SYNPO2: variants seen among roughly 807,000 people sequenced by gnomAD.
The protein encoded by SYNPO2 is synaptopodin 2, also known as synaptopodin-2.
SYNPO2 carries 56 observed loss-of-function variants against 85.0 expected under a neutral mutation model. That is an observed-to-expected ratio of 0.66 (90% CI 0.53 to 0.82). The LOEUF is 0.82. SYNPO2 is among the 40% of genes least tolerant of loss of function. The pLI is 0.00. For missense variants in SYNPO2, 1,575 were observed against 1,534.2 expected (o/e 1.03, Z -0.44); for synonymous variants, 602 against 591.1 (o/e 1.02, Z -0.27).
chr4:118,997,156 C>T (rs1736633040), intron 1 of SYNPO2, among the ~76,000 whole-genome samples: 1 of 143,564 alleles, frequency 7.0e-6, no homozygotes. Flanking sequence ...AGGAGAATGG[C>T]GTGAACCCGG....
intron 1 of SYNPO2, among the ~76,000 whole-genome samples, chr4:118,953,767 A>T (rs186726887): frequency 1.5e-3 from 225 of 152,312 alleles, no homozygotes; most frequent in African/African-American, 5.3e-3. Context: ...ATTGCCAAAG[A>T]TCACCAGTGT....
At chr4:119,048,711 GA>G (rs1340349411) in intron 4 of SYNPO2, among the ~76,000 whole-genome samples, 2 of 152,184 alleles carry the variant, frequency 1.3e-5, no homozygotes, top group African/African-American at 4.8e-5. Context: ...CAAAAATCCT[GA>G]GGCATGAGTG....
intron 1 of SYNPO2, among the ~76,000 whole-genome samples, chr4:118,913,182 T>G (rs1351161874): frequency 6.6e-6 from 1 of 152,192 alleles, no homozygotes; most frequent in Admixed American, 6.5e-5. Flanking sequence ...TTATACAAGA[T>G]GACAAGGCTT....
chr4:118,878,306 G>A (rs576826818), intron 1 of SYNPO2, among the ~76,000 whole-genome samples: 6 of 152,066 alleles, frequency 3.9e-5, no homozygotes, highest in South Asian at 2.1e-4. Context: ...CCTATGATAC[G>A]CAATTTACCT....
intron 1 of SYNPO2, among the ~76,000 whole-genome samples, chr4:119,009,550 T>C (rs189069134): frequency 4.6e-5 from 7 of 152,218 alleles, no homozygotes; most frequent in Admixed American, 3.3e-4. Flanking sequence ...ATAAACATAA[T>C]TGATTGCCCC....
At position 119,036,858 on chromosome 4, in the gene SYNPO2, C is replaced by G. The variant is rs1000215160; in HGVS notation, c.3252+4831C>G. 5.4e-6 allele frequency: 6 copies of G among 1,118,066 alleles called. No homozygotes were observed. In the African/African-American group the frequency reaches 9.7e-5, roughly 18 times the overall value. 69.3% of individuals were successfully genotyped at this position (1,118,066 alleles called of 1,614,324 possible). On this transcript the variant is annotated intron_variant, in intron 4 of 4. Transcript: ENST00000307142. ...TAAAGAGAAATTTAATTTTAAATATCAAGTCCTGTCAAACATTTCTCAAAC... is the reference window on the plus strand; with the variant it reads ...TAAAGAGAAATTTAATTTTAAATATGAAGTCCTGTCAAACATTTCTCAAAC...
intron 1 of SYNPO2, among the ~76,000 whole-genome samples, chr4:118,876,671 T>TCTC (rs1731920678): frequency 4.8e-4 from 1 of 2,070 alleles, no homozygotes; most frequent in East Asian, 7.0e-3. Context: ...TCCTTTCTCT[T>TCTC]TCTTTCTTTC....
chr4:119,014,013 C>G (rs749034890), intron 1 of SYNPO2, among the ~76,000 whole-genome samples: 4 of 152,228 alleles, frequency 2.6e-5, no homozygotes, highest in Non-Finnish European at 5.9e-5. Context: ...CCTTTTCCAA[C>G]TATATAACTG....
intron 4 of SYNPO2, among the ~76,000 whole-genome samples, 159 bp from the exon 5 acceptor site, chr4:119,057,242 A>G (rs1739233878): frequency 6.6e-6 from 1 of 152,210 alleles, no homozygotes; most frequent in South Asian, 2.1e-4. Flanking sequence ...GACAGGCAGC[A>G]TGTCCTGGCT....
intron 1 of SYNPO2, among the ~76,000 whole-genome samples, chr4:118,860,427 A>G (rs555106192): frequency 2.0e-5 from 3 of 152,078 alleles, no homozygotes; most frequent in African/African-American, 7.2e-5. Flanking sequence ...TGTTTTTTGT[A>G]GAGATGGGGT....
chr4:119,032,378 C>A, intron 4 of SYNPO2: 2 of 1,198,124 alleles, frequency 1.7e-6, no homozygotes, highest in South Asian at 4.2e-5. Flanking sequence ...TATCAAACAT[C>A]AGGAATCAGC....
intron 1 of SYNPO2, among the ~76,000 whole-genome samples, chr4:118,914,327 G>C (rs560211908): frequency 6.6e-6 from 1 of 152,164 alleles, no homozygotes; most frequent in Non-Finnish European, 1.5e-5. Context: ...GGAAATCTAG[G>C]GATAATAGCT....
chr4:118,871,720 C>T (rs573145340), intron 1 of SYNPO2, among the ~76,000 whole-genome samples: 13 of 152,252 alleles, frequency 8.5e-5, no homozygotes, highest in Non-Finnish European at 1.2e-4. Context: ...AGGCGCCTGC[C>T]ACCATGCCCG....
In SYNPO2 at chr4:119,030,986, C is replaced by G. The variant is rs777594117; in HGVS notation, c.2211C>G (p.Ser737Arg). The part of the protein sequence containing the change: ...GDSGPEEDYL[S>R]LGAEACNFMQ... ...CCGGACCGGAAGAAGACTACCTCAGCTTGGGGGCAGAGGCTTGTAATTTCA... is the reference window on the plus strand; with the variant it reads ...CCGGACCGGAAGAAGACTACCTCAGGTTGGGGGCAGAGGCTTGTAATTTCA... Residue 737 changes from serine to arginine, a missense_variant, in exon 4 of 5, where the codon AGC becomes AGG. Ser to Arg is a moderately radical substitution (Grantham distance 110). Around this residue, in one of 3 missense-constraint regions of SYNPO2, gnomAD observed 1,508 missense variants for 1,446.8 expected, o/e 1.04. Transcript: ENST00000307142. 6.2e-7 allele frequency: 1 copy of G among 1,614,012 alleles called. No individual in the cohort carries two copies. Among genetic ancestry groups the G allele is most frequent in the Non-Finnish European group, 8.5e-7 (1 of 1,180,026 alleles).
At chr4:118,928,176 C>T (rs976731285) in intron 1 of SYNPO2, among the ~76,000 whole-genome samples, 11 of 152,172 alleles carry the variant, frequency 7.2e-5, no homozygotes, top group South Asian at 6.2e-4. Context: ...TAGAACTGGA[C>T]GGTAACAGTT....
At chr4:119,007,262 A>ATG (rs5861403) in intron 1 of SYNPO2, among the ~76,000 whole-genome samples, 1,637 of 73,574 alleles carry the variant, frequency 0.022, 86 homozygotes, top group Non-Finnish European at 0.03. Flanking sequence ...ACATATATAT[A>ATG]TATATATATA....
intron 1 of SYNPO2, among the ~76,000 whole-genome samples, chr4:118,851,279 T>C (rs1332251237): frequency 6.6e-6 from 1 of 152,138 alleles, no homozygotes; most frequent in East Asian, 1.9e-4. Context: ...TTAAAAATGA[T>C]TGAGGATTGA....
chr4:118,994,391 A>C (rs1736513968), intron 1 of SYNPO2, among the ~76,000 whole-genome samples: 1 of 152,218 alleles, frequency 6.6e-6, no homozygotes, highest in Non-Finnish European at 1.5e-5. Flanking sequence ...GATGAGAAAA[A>C]TCAAATGAGC....
intron 1 of SYNPO2, among the ~76,000 whole-genome samples, chr4:119,007,321 T>TCC (rs1737118160): frequency 1.6e-5 from 1 of 64,322 alleles, no homozygotes; most frequent in Non-Finnish European, 3.3e-5. Context: ...CATATAGGCA[T>TCC]ACTCTATTTT....
Sources: gnomAD v4.1 joint callset for allele counts (sites outside exome capture counted in the v4.1 genomes callset) on GRCh38, gnomAD v4.1.1 for gene constraint, gnomAD v4.1.1 regional missense constraint, MANE v1.5 for transcripts, NCBI Gene and HGNC (gene_info 2026-07-23, HGNC 2026-07-21) for gene names.